TNS1: variants seen among roughly 807,000 people sequenced by gnomAD.
The protein encoded by TNS1 is tensin 1, also known as tensin-1.
A neutral mutation model predicts 168.6 loss-of-function variants in TNS1; 62 were observed. The ratio of observed to expected loss-of-function variants is 0.37; its 90% CI spans 0.30 to 0.45. The LOEUF (loss-of-function observed/expected upper bound fraction) is 0.45. Ranked by LOEUF, TNS1 falls within the 20% of genes least tolerant of loss-of-function variation. TNS1 has a pLI of 1.00. For missense variants in TNS1, 2,240 were observed against 2,339.4 expected (o/e 0.96, Z 0.88); for synonymous variants, 934 against 933.2 (o/e 1.00, Z -0.02).
intron 3 of TNS1, among the ~76,000 whole-genome samples, chr2:217,943,487 G>A (rs1300860705): frequency 6.6e-6 from 1 of 152,186 alleles, no homozygotes; most frequent in Admixed American, 6.5e-5. Context: ...CTTGGTCCCT[G>A]TGTCCCTCCC....
Position 217,939,044 on chromosome 2 carries a change from C to CAAT in TNS1, c.187-18811_187-18809dup, listed in dbSNP as rs760522098. On this transcript the variant is annotated intron_variant, in intron 3 of 32. Coordinates refer to ENST00000682258, the MANE Select transcript of TNS1 (RefSeq NM_001387777.1). Reference sequence around the variant, plus strand: ...GAGAGAACTCCATCACCACCACCACCAATAATAATAATAATAATAATAACT... The same window carrying CAAT: ...GAGAGAACTCCATCACCACCACCACCAATAATAATAATAATAATAATAATAACT... Among the ~76,000 whole-genome samples the CAAT allele has an allele frequency of 2.8e-3, 418 of 151,738 alleles. 1 individual carries two copies. The highest frequency in any genetic ancestry group is 8.7e-3 in the African/African-American group (361 of 41,392).
In TNS1 at chr2:217,893,566, G is replaced by A; in HGVS notation, c.595-5C>T. 6.2e-7 allele frequency: 1 copy of A among 1,606,240 alleles called. No individual in the cohort carries two copies. The highest frequency in any genetic ancestry group is 1.1e-5 in the South Asian group (1 of 89,776). On this transcript the variant is annotated splice_polypyrimidine_tract_variant and splice_region_variant and intron_variant, in intron 9 of 32. Transcript: ENST00000682258. ...GGGCCAGCCAAATTCCAGTACCTGT[G>A]GCCCAAGCCATGAGTGAGAAGAGGG...
At chr2:217,955,370 G>A (rs545834430) in intron 3 of TNS1, among the ~76,000 whole-genome samples, 21 of 152,192 alleles carry the variant, frequency 1.4e-4, no homozygotes, top group Non-Finnish European at 2.6e-4. Context: ...AGACATCCAC[G>A]CAGGGAAGGA....
At position 217,986,294 on chromosome 2, in the gene TNS1, G is replaced by A. The variant is rs1281195156; in HGVS notation, c.148+4648C>T. 2.6e-5 allele frequency among the ~76,000 whole-genome samples: 4 copies of A among 152,328 alleles called. No individual in the cohort carries two copies. Among genetic ancestry groups the A allele is most frequent in the Admixed American group, 1.3e-4 (2 of 15,300 alleles). The stretch of plus-strand genomic sequence containing the variant: ...GGTTTCCCCAAATCCAGTGGGTGCC[G>A]GCTTCTGCACAGGCTTGTCCTGTTA... On this transcript the variant is annotated intron_variant, in intron 2 of 32. Transcript: ENST00000682258. The surrounding 1 kb of genome is among the most constrained non-coding windows in gnomAD (Gnocchi z 4.7).
intron 6 of TNS1, among the ~76,000 whole-genome samples, chr2:217,903,967 A>C (rs1318998773): frequency 6.6e-6 from 1 of 152,220 alleles, no homozygotes; most frequent in Admixed American, 6.5e-5. Flanking sequence ...CAAACACAAC[A>C]GCTCAGGACC....
chr2:217,981,653 A>G (rs1958051216), intron 2 of TNS1, among the ~76,000 whole-genome samples: 1 of 152,162 alleles, frequency 6.6e-6, no homozygotes, highest in East Asian at 1.9e-4. Flanking sequence ...GCCCCCATGA[A>G]TGGATATTGA....
intron 3 of TNS1, among the ~76,000 whole-genome samples, chr2:217,964,621 C>T (rs1289413340): frequency 2.0e-5 from 3 of 152,174 alleles, no homozygotes; most frequent in Non-Finnish European, 2.9e-5. Flanking sequence ...GGAAGCTGCG[C>T]GCTGATGTGG....
chr2:217,930,144 G>A (rs907393111), intron 3 of TNS1, among the ~76,000 whole-genome samples: 1 of 152,176 alleles, frequency 6.6e-6, no homozygotes, highest in African/African-American at 2.4e-5. Flanking sequence ...GTTCAGGTCC[G>A]CTTTCATTCA....
intron 3 of TNS1, among the ~76,000 whole-genome samples, chr2:217,960,145 G>A (rs979197341): frequency 2.0e-5 from 3 of 152,094 alleles, no homozygotes; most frequent in African/African-American, 7.2e-5. Context: ...AGTGAGTGGG[G>A]GGCAGAAGGA....
intron 3 of TNS1, among the ~76,000 whole-genome samples, chr2:217,976,326 C>T (rs1473483814): frequency 1.3e-5 from 2 of 152,176 alleles, no homozygotes; most frequent in African/African-American, 2.4e-5. Context: ...TCAAGGTTGA[C>T]GAGGCTATAA....
At chr2:217,937,923 C>G (rs921015553) in intron 3 of TNS1, among the ~76,000 whole-genome samples, 1 of 152,152 alleles carries the variant, frequency 6.6e-6, no homozygotes, top group Non-Finnish European at 1.5e-5. Flanking sequence ...TAACCCAGCA[C>G]CAAGCCCAGG....
intron 22 of TNS1, among the ~76,000 whole-genome samples, chr2:217,828,535 G>C (rs538605042): frequency 6.6e-6 from 1 of 152,214 alleles, no homozygotes; most frequent in African/African-American, 2.4e-5. Flanking sequence ...AGGGGGGGAT[G>C]CCAGTGCCCA....
At chr2:217,824,325 CA>C (rs1460713597) in intron 22 of TNS1, among the ~76,000 whole-genome samples, 8 of 152,210 alleles carry the variant, frequency 5.3e-5, no homozygotes, top group Non-Finnish European at 1.2e-4. Flanking sequence ...TCCAGACTCA[CA>C]AGCTGGCTCT....
intron 18 of TNS1, among the ~76,000 whole-genome samples, chr2:217,858,929 A>G (rs1473376601): frequency 6.6e-6 from 1 of 151,648 alleles, no homozygotes; most frequent in Non-Finnish European, 1.5e-5. Flanking sequence ...AAAAGTGGCC[A>G]GCCCAGTCCA....
Position 217,985,861 on chromosome 2 carries a change from CTGA to C in TNS1, c.148+5078_148+5080del, listed in dbSNP as rs564609788. ...CGGGATCACCACAGGATCCTGCCTC[CTGA>C]TGGATTTAACTCCTAAAACCACAGC... On this transcript the variant is annotated intron_variant, in intron 2 of 32. Coordinates refer to ENST00000682258, the MANE Select transcript of TNS1 (RefSeq NM_001387777.1). 3.3e-5 allele frequency among the ~76,000 whole-genome samples: 5 copies of C among 152,262 alleles called. No homozygotes were observed. In the East Asian group the frequency reaches 9.6e-4, roughly 29 times the overall value.
chr2:217,913,392 G>A (rs1202638208), intron 4 of TNS1, among the ~76,000 whole-genome samples: 2 of 152,164 alleles, frequency 1.3e-5, no homozygotes, highest in Non-Finnish European at 2.9e-5. Context: ...CACCCCCAAT[G>A]CAGCCGGCTT....
chr2:217,835,868 T>A (rs1455738739), intron 20 of TNS1, 147 bp downstream of exon 20: 1 of 650,672 alleles, frequency 1.5e-6, no homozygotes, highest in Non-Finnish European at 2.6e-6. Context: ...ACTCCACATG[T>A]CAGAGAAGAG....
intron 3 of TNS1, among the ~76,000 whole-genome samples, chr2:217,931,060 A>G (rs1263480564): frequency 6.6e-6 from 1 of 152,168 alleles, no homozygotes; most frequent in Non-Finnish European, 1.5e-5. Flanking sequence ...GTGCCCCTCC[A>G]TGCCAGGTTC....
chr2:218,003,140 G>T (rs755200551), upstream of TNS1: 114 of 355,196 alleles, frequency 3.2e-4, 2 homozygotes, highest in Non-Finnish European at 5.6e-4. Flanking sequence ...TGCTTTGCAG[G>T]GGGTGTAAAG....
Sources: allele counts gnomAD v4.1 joint callset (sites outside exome capture counted in the v4.1 genomes callset), GRCh38; gene constraint gnomAD v4.1.1; non-coding constraint Gnocchi (gnomAD v3.1); transcripts MANE v1.5; gene names NCBI Gene and HGNC (gene_info 2026-07-23, HGNC 2026-07-21).